XPO4: variants seen among roughly 807,000 people sequenced by gnomAD.
The protein encoded by XPO4 is exportin-4.
A neutral mutation model predicts 143.0 loss-of-function variants in XPO4; 39 were observed. That is an observed-to-expected ratio of 0.27 (90% CI 0.21 to 0.36). XPO4 has a LOEUF of 0.36. Ranked by LOEUF, XPO4 falls within the 10% of genes least tolerant of loss-of-function variation. XPO4 has a pLI of 1.00. For missense variants in XPO4, 907 were observed against 1,348.0 expected (o/e 0.67, Z 5.12); for synonymous variants, 439 against 474.0 (o/e 0.93, Z 0.96).
intron 4 of XPO4, chr13:20,848,078 T>G (rs918371205): frequency 9.3e-6 from 3 of 322,816 alleles, no homozygotes; most frequent in African/African-American, 2.3e-5. Context: ...GCTTGTTGAT[T>G]TATGTCTGCT....
chr13:20,796,687 T>C, intron 17 of XPO4, 77 bp downstream of exon 17: 1 of 1,168,618 alleles, frequency 8.6e-7, no homozygotes. Context: ...CTAATCAAAT[T>C]TTAAGCAAAG....
intron 3 of XPO4, among the ~76,000 whole-genome samples, chr13:20,861,072 G>C (rs1359621460): frequency 2.6e-5 from 4 of 152,014 alleles, no homozygotes; most frequent in Non-Finnish European, 5.9e-5. Context: ...AATTTTATGT[G>C]TATGTTTATT....
intron 6 of XPO4, among the ~76,000 whole-genome samples, chr13:20,830,907 G>GA (rs1352694137): frequency 6.6e-6 from 1 of 151,836 alleles, no homozygotes; most frequent in Non-Finnish European, 1.5e-5. Flanking sequence ...TTTTCAATTT[G>GA]AAAAACAAAA....
At chr13:20,853,027 T>C (rs1421965266) in intron 4 of XPO4, 2 of 985,158 alleles carry the variant, frequency 2.0e-6, no homozygotes, top group African/African-American at 3.5e-5. Flanking sequence ...TTTATATTAC[T>C]CTAAGTAAAA....
chr13:20,870,959 C>T (rs1321197000), intron 1 of XPO4, among the ~76,000 whole-genome samples: 1 of 151,924 alleles, frequency 6.6e-6, no homozygotes, highest in Non-Finnish European at 1.5e-5. Flanking sequence ...TACAGGCATG[C>T]GCCAAGCCCA....
intron 18 of XPO4, among the ~76,000 whole-genome samples, chr13:20,794,912 T>C (rs576381041): frequency 9.5e-5 from 12 of 125,972 alleles, no homozygotes; most frequent in Admixed American, 9.1e-4. Flanking sequence ...TACCCCTAGT[T>C]AACTGCAAAA....
intron 22 of XPO4, among the ~76,000 whole-genome samples, chr13:20,784,591 A>C (rs1033122561): frequency 3.9e-5 from 6 of 152,208 alleles, no homozygotes; most frequent in Non-Finnish European, 8.8e-5. Flanking sequence ...TATAAAGGAA[A>C]GTGGAAGAAG....
intron 9 of XPO4, among the ~76,000 whole-genome samples, chr13:20,811,130 A>C (rs2059576464): frequency 6.6e-6 from 1 of 152,136 alleles, no homozygotes; most frequent in Non-Finnish European, 1.5e-5. Context: ...GACCTGGAGC[A>C]GAGAGTGATG....
chr13:20,843,079 T>C (rs751443572), intron 5 of XPO4, 31 bp from the exon 6 acceptor site: 3 of 1,548,172 alleles, frequency 1.9e-6, no homozygotes, highest in South Asian at 2.4e-5. Flanking sequence ...ATATTTTATA[T>C]GAAAAATTTA....
At chr13:20,798,122 G>C (rs1376221009) in intron 16 of XPO4, among the ~76,000 whole-genome samples, 1 of 152,022 alleles carries the variant, frequency 6.6e-6, no homozygotes, top group Non-Finnish European at 1.5e-5. Context: ...CAGCCTGAGT[G>C]ACAGAGCAAG....
intron 9 of XPO4, among the ~76,000 whole-genome samples, chr13:20,812,666 G>A (rs1270424561): frequency 2.6e-5 from 4 of 152,144 alleles, no homozygotes; most frequent in African/African-American, 4.8e-5. Context: ...GGAAAAACTG[G>A]TGAAATCCAA....
chr13:20,862,091 A>G (rs1482635172), intron 3 of XPO4, among the ~76,000 whole-genome samples: 4 of 151,992 alleles, frequency 2.6e-5, no homozygotes, highest in African/African-American at 9.7e-5. Context: ...CCAGCCCTCT[A>G]TGCACATTTC....
At chr13:20,801,312 C>T (rs1266589673) in intron 13 of XPO4, among the ~76,000 whole-genome samples, 2 of 152,144 alleles carry the variant, frequency 1.3e-5, no homozygotes, top group Non-Finnish European at 2.9e-5. Flanking sequence ...AGGAGAAATA[C>T]ATCAAATTAA....
intron 22 of XPO4, among the ~76,000 whole-genome samples, chr13:20,785,901 A>AAAGAGAAG (rs145533394): frequency 7.9e-6 from 1 of 126,392 alleles, no homozygotes; most frequent in African/African-American, 3.1e-5. Context: ...AGAAAGAAAG[A>AAAGAGAAG]GGAGGGAGGA....
chr13:20,834,931 G>C (rs781230990), intron 6 of XPO4, among the ~76,000 whole-genome samples: 10 of 152,292 alleles, frequency 6.6e-5, no homozygotes, highest in Non-Finnish European at 1.2e-4. Flanking sequence ...CTATACCTTA[G>C]CCTGGGTGAC....
At chr13:20,851,639 G>A in intron 4 of XPO4, 3 of 586,264 alleles carry the variant, frequency 5.1e-6, no homozygotes, top group Non-Finnish European at 6.4e-6. Flanking sequence ...AGCATGGGGA[G>A]GTCAAGGCTG....
At chr13:20,799,478 T>C in intron 15 of XPO4, 139 bp from the exon 16 acceptor site, 1 of 711,850 alleles carries the variant, frequency 1.4e-6, no homozygotes, top group East Asian at 2.9e-5. Context: ...AAACTTAGTA[T>C]AGACTTTGAA....
In XPO4 at chr13:20,780,483, AAAG is replaced by A. The variant is rs1299441613; in HGVS notation, c.*3236_*3238del. 6.6e-6 allele frequency: 1 copy of A among 152,180 alleles called. No homozygotes were observed. Among genetic ancestry groups the A allele is most frequent in the East Asian group, 1.9e-4 (1 of 5,196 alleles). The allele number at this position is 152,180 out of a possible 1,614,324, so 9.4% of individuals were successfully genotyped here. A position where few individuals can be genotyped will look rare whatever the true frequency, so the allele number is the denominator to read the frequency against. ...ACATTTTTGTTAAAAGAGAAAGTTC[AAAG>A]ACAGTTAAGGGGAGTGTTAAATAAT... is the stretch of plus-strand genomic sequence containing the variant. On this transcript the variant is annotated 3_prime_UTR_variant, in exon 23 of 23. Coordinates refer to ENST00000255305, the MANE Select transcript of XPO4 (RefSeq NM_022459.5).
rs189156718 is a variant in XPO4, at chr13:20,823,944, G to A, written c.841-1655C>T. 3.3e-3 allele frequency among the ~76,000 whole-genome samples: 506 copies of A among 152,252 alleles called. 4 individuals carry two copies. The highest frequency in any genetic ancestry group is 0.012 in the African/African-American group (486 of 41,532). On this transcript the variant is annotated intron_variant, in intron 7 of 22. Transcript: ENST00000255305. ...TGGGATTACAGGCATGAGCCACCAC[G>A]CCCGGCCAACATTCACATTTTAATG...
Sources: allele counts gnomAD v4.1 joint callset (sites outside exome capture counted in the v4.1 genomes callset), GRCh38; gene constraint gnomAD v4.1.1; transcripts MANE v1.5; gene names NCBI Gene and HGNC (gene_info 2026-07-23, HGNC 2026-07-21).